TEC: variants seen among roughly 807,000 people sequenced by gnomAD.
TEC encodes the protein tyrosine-protein kinase Tec.
In TEC, 72 loss-of-function variants were observed where a neutral mutation model predicts 93.0. That is an observed-to-expected ratio of 0.77 (90% CI 0.64 to 0.94). The LOEUF (loss-of-function observed/expected upper bound fraction) is 0.94. Among genes scored for constraint, TEC ranks in the 40% least tolerant of loss-of-function variants. The pLI, the probability that TEC is intolerant of heterozygous loss-of-function variation, is 0.00. For synonymous variants in TEC, 249 were observed against 247.7 expected, an observed-to-expected ratio of 1.01 and a Z score of -0.05; for missense variants, 630 against 757.9, an observed-to-expected ratio of 0.83 and a Z score of 1.98.
At chr4:48,264,227 A>G (rs1378270153) in intron 1 of TEC, among the ~76,000 whole-genome samples, 1 of 152,230 alleles carries the variant, frequency 6.6e-6, no homozygotes, top group Non-Finnish European at 1.5e-5. Context: ...TGAACCCTCT[A>G]TAAAAAGAGG....
At chr4:48,179,669 G>A (rs1232399222) in intron 2 of TEC, among the ~76,000 whole-genome samples, 3 of 151,880 alleles carry the variant, frequency 2.0e-5, no homozygotes, top group Admixed American at 6.6e-5. Context: ...GATTACAGGC[G>A]TGAGCACTAC....
At chr4:48,245,486 A>G (rs1410988796) in intron 1 of TEC, among the ~76,000 whole-genome samples, 1 of 152,150 alleles carries the variant, frequency 6.6e-6, no homozygotes, top group Non-Finnish European at 1.5e-5. Context: ...CCAGTATTTA[A>G]TTTCATTAAG....
At chr4:48,250,644 G>A (rs1410758633) in intron 1 of TEC, among the ~76,000 whole-genome samples, 2 of 152,196 alleles carry the variant, frequency 1.3e-5, no homozygotes, top group African/African-American at 4.8e-5. Context: ...CTAGAGGGAT[G>A]TAATGTACAT....
At chr4:48,263,827 A>G (rs1411898497) in intron 1 of TEC, among the ~76,000 whole-genome samples, 1 of 152,224 alleles carries the variant, frequency 6.6e-6, no homozygotes, top group Non-Finnish European at 1.5e-5. Context: ...TTGGTAGTGT[A>G]CACTTAGAGT....
intron 8 of TEC, among the ~76,000 whole-genome samples, chr4:48,158,663 G>C (rs1331469186): frequency 1.3e-5 from 2 of 152,182 alleles, no homozygotes; most frequent in Non-Finnish European, 2.9e-5. Flanking sequence ...GTAAGCAAAG[G>C]TGGTTTCATC....
intron 3 of TEC, among the ~76,000 whole-genome samples, chr4:48,174,825 GA>G (rs1721259696): frequency 6.6e-6 from 1 of 152,160 alleles, no homozygotes; most frequent in Admixed American, 6.5e-5. Context: ...AGTAGTAAGA[GA>G]ATAGCAATAG....
intron 1 of TEC, among the ~76,000 whole-genome samples, chr4:48,235,785 C>A (rs1723767225): frequency 6.6e-6 from 1 of 152,102 alleles, no homozygotes; most frequent in South Asian, 2.1e-4. Flanking sequence ...CATTATTAAG[C>A]TTTTACTACT....
intron 1 of TEC, among the ~76,000 whole-genome samples, chr4:48,268,536 C>A (rs1166873215): frequency 1.3e-5 from 2 of 152,236 alleles, no homozygotes; most frequent in African/African-American, 4.8e-5. Context: ...GTTACCCATA[C>A]TTCTATTTTC....
intron 7 of TEC, among the ~76,000 whole-genome samples, chr4:48,165,604 C>T (rs1383282817): frequency 2.6e-5 from 4 of 152,278 alleles, no homozygotes. Flanking sequence ...ATCCAGAGAT[C>T]ACCTTCTAAT....
chr4:48,199,451 CTTTCT>C lies in TEC; in HGVS notation c.139-23270_139-23266del, dbSNP rs1560405002. ...CAGTCTGGGCTACAGAAAGGATTTT[CTTTCT>C]TTTTTTTTTTTTTTTTTTTTTTTTT... On this transcript the variant is annotated intron_variant, in intron 2 of 17. Transcript: ENST00000381501. Among the ~76,000 whole-genome samples the C allele has an allele frequency of 2.2e-4, 16 of 74,286 alleles. 1 individual carries two copies. The highest frequency in any genetic ancestry group is 3.9e-4 in the Non-Finnish European group (14 of 35,532). The allele number at this position is 74,286 out of a possible 152,430, so 48.7% of individuals were successfully genotyped here.
At chr4:48,144,460 T>C (rs1195008681) in intron 14 of TEC, among the ~76,000 whole-genome samples, 2 of 151,770 alleles carry the variant, frequency 1.3e-5, no homozygotes, top group East Asian at 3.9e-4. Flanking sequence ...AAAGAACAGG[T>C]AGAGAAGAAA....
chr4:48,193,948 G>A (rs1328689353), intron 2 of TEC, among the ~76,000 whole-genome samples: 2 of 152,198 alleles, frequency 1.3e-5, no homozygotes, highest in Non-Finnish European at 2.9e-5. Context: ...TTCTGGGATA[G>A]ATGGTGGGTG....
intron 2 of TEC, among the ~76,000 whole-genome samples, chr4:48,188,381 T>C (rs900538150): frequency 6.6e-6 from 1 of 152,200 alleles, no homozygotes; most frequent in South Asian, 2.1e-4. Flanking sequence ...AGATTTTTTA[T>C]TGATAAAGAG....
intron 2 of TEC, among the ~76,000 whole-genome samples, chr4:48,180,744 G>C (rs943418529): frequency 2.0e-5 from 3 of 152,152 alleles, no homozygotes; most frequent in Admixed American, 6.6e-5. Flanking sequence ...ACATTAGGAA[G>C]ATGCTTCTGC....
At chr4:48,181,664 C>T (rs1721593426) in intron 2 of TEC, among the ~76,000 whole-genome samples, 1 of 140,732 alleles carries the variant, frequency 7.1e-6, no homozygotes, top group Non-Finnish European at 1.5e-5. Flanking sequence ...CAGAGTGAGA[C>T]TCTGTCTCAA....
intron 17 of TEC, among the ~76,000 whole-genome samples, chr4:48,137,908 C>T (rs1195307960): frequency 6.6e-6 from 1 of 152,294 alleles, no homozygotes; most frequent in South Asian, 2.1e-4. Flanking sequence ...ATAACCACCT[C>T]CTTACCTTTG....
At position 48,258,290 on chromosome 4, in the gene TEC, C is replaced by T. The variant is rs150143995; in HGVS notation, c.-46+11462G>A. Reference sequence around the variant, plus strand: ...CCGAGTAGCTGGCATTACAGGCATGCGCCACCACACCTGGCTAATTTTTGT... The same window carrying T: ...CCGAGTAGCTGGCATTACAGGCATGTGCCACCACACCTGGCTAATTTTTGT... On this transcript the variant is annotated intron_variant, in intron 1 of 17. Coordinates refer to ENST00000381501, the MANE Select transcript of TEC (RefSeq NM_003215.3). 1.8e-3 allele frequency among the ~76,000 whole-genome samples: 278 copies of T among 152,036 alleles called. 11 individuals carry two copies. The East Asian group carries it at 0.05, about 27-fold the overall frequency.
chr4:48,224,247 GAGATCCAA>G (rs576213472), intron 2 of TEC, among the ~76,000 whole-genome samples: 269 of 152,284 alleles, frequency 1.8e-3, no homozygotes, highest in African/African-American at 6.1e-3. Flanking sequence ...ACCAAATTAA[GAGATCCAA>G]AGTCCAATTC....
chr4:48,250,813 T>C lies in TEC; in HGVS notation c.-46+18939A>G, dbSNP rs1485697424. On this transcript the variant is annotated intron_variant, in intron 1 of 17. Transcript: ENST00000381501. ...CCACAGACACATGGGCAAGCCCAGT[T>C]AAGATCAACCAAGCCCAGCCAAGAT... Among the ~76,000 whole-genome samples, 21 of 152,178 alleles carry C rather than the reference T, an allele frequency of 1.4e-4. 1 individual carries two copies. The highest frequency in any genetic ancestry group is 1.4e-3 in the Admixed American group (21 of 15,278).
Sources: gnomAD v4.1 joint callset for allele counts (sites outside exome capture counted in the v4.1 genomes callset) on GRCh38, gnomAD v4.1.1 for gene constraint, MANE v1.5 for transcripts, NCBI Gene and HGNC (gene_info 2026-07-23, HGNC 2026-07-21) for gene names.